Variants in TNFSF4 observed in about 807,000 individuals in gnomAD.
TNFSF4 encodes TNF superfamily member 4.
In TNFSF4, 4 loss-of-function variants were observed where a neutral mutation model predicts 7.3. The observed-to-expected ratio is 0.55, with a 90% confidence interval of 0.27 to 1.25. TNFSF4 has a LOEUF of 1.25. Ranked by LOEUF, TNFSF4 falls within the 50% of genes most tolerant of loss-of-function variation. TNFSF4 has a pLI of 0.12. For synonymous variants in TNFSF4, 76 were observed against 83.7 expected (o/e 0.91, Z 0.50); for missense variants, 181 against 208.8 (o/e 0.87, Z 0.82).
At chr1:173,286,858 T>TTTAGAATA in the TNFSF4 span, among the ~76,000 whole-genome samples, 1 of 152,100 alleles carries the variant, frequency 6.6e-6, no homozygotes, top group African/African-American at 2.4e-5. Flanking sequence ...AGAATTATTA[T>TTTAGAATA]TTAGAATATA....
the TNFSF4 span, among the ~76,000 whole-genome samples, chr1:173,296,856 A>T: frequency 6.6e-6 from 1 of 151,902 alleles, no homozygotes; most frequent in Non-Finnish European, 1.5e-5. Context: ...GTAATGGAGA[A>T]GCAAAATCAC....
the TNFSF4 span, among the ~76,000 whole-genome samples, chr1:173,328,848 T>C: frequency 0.18 from 27,152 of 152,102 alleles, 4,416 homozygotes; most frequent in African/African-American, 0.43. Context: ...TTAGAAACTT[T>C]TGTGCTTCAG....
chr1:173,364,402 T>TAC, the TNFSF4 span, among the ~76,000 whole-genome samples: 619 of 147,570 alleles, frequency 4.2e-3, 4 homozygotes, highest in East Asian at 0.02. Flanking sequence ...TATATATATA[T>TAC]ACACACACAC....
chr1:173,321,367 T>TA, the TNFSF4 span, among the ~76,000 whole-genome samples: 1 of 152,134 alleles, frequency 6.6e-6, no homozygotes, highest in Non-Finnish European at 1.5e-5. Flanking sequence ...CCCAAAACCC[T>TA]AAAAACCCTA....
the TNFSF4 span, among the ~76,000 whole-genome samples, chr1:173,177,774 TA>T: frequency 1.3e-5 from 2 of 151,592 alleles, no homozygotes; most frequent in Admixed American, 6.6e-5. Context: ...TTATGGAACT[TA>T]AAAAAACAAC....
the TNFSF4 span, among the ~76,000 whole-genome samples, chr1:173,394,943 T>C: frequency 9.8e-4 from 147 of 149,794 alleles, no homozygotes; most frequent in Middle Eastern, 7.0e-3. Context: ...GATAGATAGA[T>C]AGACAGACAG....
the TNFSF4 span, among the ~76,000 whole-genome samples, chr1:173,409,378 G>A: frequency 0.014 from 2,145 of 152,174 alleles, 50 homozygotes; most frequent in African/African-American, 0.049. Context: ...ATGTATTAAT[G>A]TTATTAATAC....
the TNFSF4 span, among the ~76,000 whole-genome samples, chr1:173,229,306 C>T: frequency 6.6e-6 from 1 of 152,270 alleles, no homozygotes; most frequent in Admixed American, 6.5e-5. Flanking sequence ...GAATTTTCAA[C>T]CCAGAATTTC....
At chr1:173,319,054 G>A in the TNFSF4 span, among the ~76,000 whole-genome samples, 1 of 152,162 alleles carries the variant, frequency 6.6e-6, no homozygotes, top group Non-Finnish European at 1.5e-5. Flanking sequence ...CTCTCAGCAG[G>A]TCACAATCCC....
chr1:173,415,583 G>A, the TNFSF4 span, among the ~76,000 whole-genome samples: 1 of 152,190 alleles, frequency 6.6e-6, no homozygotes, highest in African/African-American at 2.4e-5. Context: ...GGCAGCACTT[G>A]GCAGAGGGAC....
the TNFSF4 span, among the ~76,000 whole-genome samples, chr1:173,414,212 GC>G: frequency 9.2e-5 from 14 of 152,162 alleles, no homozygotes; most frequent in African/African-American, 3.4e-4. Context: ...AGGTCAAGAT[GC>G]CAGAAAATTC....
chr1:173,391,655 T>A, the TNFSF4 span, among the ~76,000 whole-genome samples: 2 of 152,010 alleles, frequency 1.3e-5, no homozygotes, highest in Non-Finnish European at 2.9e-5. Context: ...TTCCTACATT[T>A]CTGATTCCTC....
At chr1:173,259,190 CAG>C in the TNFSF4 span, among the ~76,000 whole-genome samples, 1 of 152,108 alleles carries the variant, frequency 6.6e-6, no homozygotes, top group East Asian at 1.9e-4. Context: ...GTGACACCTC[CAG>C]GTGCAGGAGG....
At chr1:173,417,492 A>G in the TNFSF4 span, among the ~76,000 whole-genome samples, 2 of 137,006 alleles carry the variant, frequency 1.5e-5, no homozygotes, top group East Asian at 4.4e-4. Flanking sequence ...AAAACATCTT[A>G]ATAAACCACG....
chr1:173,235,285 AG>A, the TNFSF4 span, among the ~76,000 whole-genome samples: 1 of 152,260 alleles, frequency 6.6e-6, no homozygotes, highest in African/African-American at 2.4e-5. Context: ...AGGTGGAGAG[AG>A]CAGAATTAAA....
the TNFSF4 span, among the ~76,000 whole-genome samples, chr1:173,241,056 C>T: frequency 6.6e-6 from 1 of 152,096 alleles, no homozygotes; most frequent in South Asian, 2.1e-4. Context: ...CTTTTACCTT[C>T]TAGCCATCTA....
chr1:173,205,181 AAAAAG>A, intron 1 of TNFSF4: 2 of 1,147,948 alleles, frequency 1.7e-6, no homozygotes, highest in South Asian at 3.7e-5. Flanking sequence ...CCTGAGCAAA[AAAAAG>A]AAATCTATTT....
At position 173,186,453 on chromosome 1, in the gene TNFSF4, C is replaced by T; in HGVS notation, c.*63G>A. 7.3e-7 allele frequency: 1 copy of T among 1,368,338 alleles called. No individual in the cohort carries two copies. Among genetic ancestry groups the T allele is most frequent in the Non-Finnish European group, 1.0e-6 (1 of 988,084 alleles). The allele number at this position is 1,368,338 out of a possible 1,614,324, so 84.8% of individuals were successfully genotyped here. The stretch of plus-strand genomic sequence containing the variant: ...CTTCACTTGCAATGAAGAATCCATG[C>T]CCTGTCCACCCCCAGCTTGGTGTTC... On this transcript the variant is annotated 3_prime_UTR_variant, in exon 3 of 3. Coordinates refer to ENST00000281834, the MANE Select transcript of TNFSF4 (RefSeq NM_003326.5).
the TNFSF4 span, among the ~76,000 whole-genome samples, chr1:173,410,362 A>C: frequency 1.3e-5 from 2 of 152,312 alleles, no homozygotes; most frequent in South Asian, 2.1e-4. Context: ...ACCTACAAAG[A>C]AGCTCTAAAT....
Sources: allele counts gnomAD v4.1 joint callset (sites outside exome capture counted in the v4.1 genomes callset), GRCh38; gene constraint gnomAD v4.1.1; transcripts MANE v1.5; gene names NCBI Gene and HGNC (gene_info 2026-07-23, HGNC 2026-07-21).